ADHFE1: variants seen among roughly 807,000 people sequenced by gnomAD.
ADHFE1 encodes hydroxyacid-oxoacid transhydrogenase, mitochondrial.
ADHFE1 carries 37 observed loss-of-function variants against 54.8 expected under a neutral mutation model. That is an observed-to-expected ratio of 0.68 (90% CI 0.52 to 0.89). The LOEUF (loss-of-function observed/expected upper bound fraction) is 0.89. ADHFE1 is among the 40% of genes least tolerant of loss of function. ADHFE1 has a pLI of 0.00. For synonymous variants in ADHFE1, 203 were observed against 229.3 expected (o/e 0.89, Z 1.04); for missense variants, 601 against 591.2 (o/e 1.02, Z -0.17).
At chr8:66,461,308 G>A (rs887685562) in intron 13 of ADHFE1, among the ~76,000 whole-genome samples, 2 of 152,162 alleles carry the variant, frequency 1.3e-5, no homozygotes, top group Non-Finnish European at 2.9e-5. Flanking sequence ...GAGGGTATGA[G>A]GATAAGGATC....
chr8:66,466,366 C>G (rs1807187680), intron 13 of ADHFE1, among the ~76,000 whole-genome samples: 1 of 151,950 alleles, frequency 6.6e-6, no homozygotes, highest in Non-Finnish European at 1.5e-5. Flanking sequence ...GACCACCGCA[C>G]TGGACTCCCT....
At chr8:66,442,239 A>G (rs1805788608) in intron 2 of ADHFE1, among the ~76,000 whole-genome samples, 1 of 151,606 alleles carries the variant, frequency 6.6e-6, no homozygotes. Flanking sequence ...TCAAACACAT[A>G]TTTTAAATAT....
At chr8:66,452,682 G>T (rs1357494865) in intron 9 of ADHFE1, among the ~76,000 whole-genome samples, 5 of 152,162 alleles carry the variant, frequency 3.3e-5, no homozygotes, top group African/African-American at 9.7e-5. Context: ...AAAGAGTAGA[G>T]ATTGCTGTCC....
chr8:66,462,224 G>C lies in ADHFE1; in HGVS notation c.1320+1759G>C, dbSNP rs909053990. Among the ~76,000 whole-genome samples, 12 of 152,238 alleles carry C rather than the reference G, an allele frequency of 7.9e-5. No homozygotes were observed. In the East Asian group the frequency reaches 2.3e-3, roughly 29 times the overall value. ...CTGACTAGGACTCAACCAAAGACAGGGGAGCCATGAAAGCTCAGGGACACC... is the reference window on the plus strand; with the variant it reads ...CTGACTAGGACTCAACCAAAGACAGCGGAGCCATGAAAGCTCAGGGACACC... On this transcript the variant is annotated intron_variant, in intron 13 of 13. Transcript: ENST00000396623.
At chr8:66,454,858 T>G (rs1357718894) in intron 10 of ADHFE1, among the ~76,000 whole-genome samples, 1 of 152,058 alleles carries the variant, frequency 6.6e-6, no homozygotes, top group East Asian at 1.9e-4. Flanking sequence ...GGATTACAGA[T>G]GTGCACCACC....
chr8:66,455,610 G>A (rs767907580), intron 10 of ADHFE1, among the ~76,000 whole-genome samples: 33 of 152,178 alleles, frequency 2.2e-4, no homozygotes, highest in Non-Finnish European at 4.1e-4. Flanking sequence ...TCTCTTCTAG[G>A]AATCTAGCCT....
At chr8:66,449,592 A>G (rs2130414310) in intron 8 of ADHFE1, among the ~76,000 whole-genome samples, 1 of 152,312 alleles carries the variant, frequency 6.6e-6, no homozygotes, top group Admixed American at 6.5e-5. Context: ...CCTCGGCTTC[A>G]GCTGCTTTGT....
chr8:66,441,358 G>A (rs543358071), intron 2 of ADHFE1, among the ~76,000 whole-genome samples: 77 of 152,202 alleles, frequency 5.1e-4, no homozygotes, highest in African/African-American at 1.7e-3. Context: ...AGCCTCCCAC[G>A]ATGTTGGGAT....
At chr8:66,458,848 G>A (rs1337594367) in intron 12 of ADHFE1, among the ~76,000 whole-genome samples, 1 of 152,122 alleles carries the variant, frequency 6.6e-6, no homozygotes, top group Admixed American at 6.6e-5. Flanking sequence ...AAAATGCAGA[G>A]ATTTCGATGG....
intron 12 of ADHFE1, among the ~76,000 whole-genome samples, chr8:66,458,459 C>G (rs576020359): frequency 6.6e-6 from 1 of 152,320 alleles, no homozygotes; most frequent in South Asian, 2.1e-4. Flanking sequence ...TCCCTTTTCT[C>G]TTTCGGACTG....
At chr8:66,448,588 A>G (rs1379507647) in intron 7 of ADHFE1, among the ~76,000 whole-genome samples, 1 of 152,038 alleles carries the variant, frequency 6.6e-6, no homozygotes, top group Admixed American at 6.6e-5. Context: ...TGGTGTAAAT[A>G]CTCTCACCAT....
At chr8:66,457,244 T>G in intron 12 of ADHFE1, 78 bp downstream of exon 12, 1 of 1,376,208 alleles carries the variant, frequency 7.3e-7, no homozygotes, top group Non-Finnish European at 1.0e-6. Context: ...TTTGGGAGGC[T>G]AAGTTGGGTG....
intron 9 of ADHFE1, among the ~76,000 whole-genome samples, chr8:66,453,236 G>A (rs1463161047): frequency 6.6e-6 from 1 of 152,164 alleles, no homozygotes; most frequent in East Asian, 1.9e-4. Flanking sequence ...GTCACTGGGG[G>A]AATAAGGAAC....
chr8:66,448,248 T>G (rs1806129959), intron 7 of ADHFE1, among the ~76,000 whole-genome samples: 1 of 152,250 alleles, frequency 6.6e-6, no homozygotes, highest in Non-Finnish European at 1.5e-5. Flanking sequence ...ACACTTTTAG[T>G]AACTTTTCTT....
Position 66,439,748 on chromosome 8 carries a change from C to G in ADHFE1, c.60-414C>G. ...GGAAATATATAAGGCAAGTTCCCAG[C>G]ATAGGGTAGTAAGTAAGAAGAGGCA... On this transcript the variant is annotated intron_variant, in intron 1 of 13. Coordinates refer to ENST00000396623, the MANE Select transcript of ADHFE1 (RefSeq NM_144650.3). This position sits in a 1 kb window ranked among gnomAD's most constrained non-coding sequence, Gnocchi z 4.4. The G allele has an allele frequency of 2.0e-6, 2 of 1,010,168 alleles. No individual in the cohort carries two copies. Among genetic ancestry groups the G allele is most frequent in the Non-Finnish European group, 2.4e-6 (2 of 846,136 alleles). The allele number at this position is 1,010,168 out of a possible 1,614,324, so 62.6% of individuals were successfully genotyped here. A position where few individuals can be genotyped will look rare whatever the true frequency, so the allele number is the denominator to read the frequency against.
Position 66,447,279 on chromosome 8 carries a change from G to A in ADHFE1, c.566G>A (p.Gly189Glu). 6.2e-7 allele frequency: 1 copy of A among 1,613,140 alleles called. No homozygotes were observed. Among genetic ancestry groups the A allele is most frequent in the Non-Finnish European group, 8.5e-7 (1 of 1,179,450 alleles). The change falls in exon 7 of 14, where the codon GGA becomes GAA. Residue 189 changes from glycine to glutamate, a missense_variant. Transcript: ENST00000396623. The stretch of plus-strand genomic sequence containing the variant: ...TTTGTTCAAGTGCCAACTACCTCAG[G>A]AACCGGGAGTGAAACTACTGGGGTT... ...KPLIAVPTTS[G>E]TGSETTGVAI...
intron 9 of ADHFE1, among the ~76,000 whole-genome samples, chr8:66,453,188 G>A (rs1806392060): frequency 6.6e-6 from 1 of 152,192 alleles, no homozygotes. Flanking sequence ...GATGGACAGA[G>A]GAAAGGCTGA....
At position 66,460,315 on chromosome 8, in the gene ADHFE1, C is replaced by T; in HGVS notation, c.1170C>T (p.Asp390=). 1.2e-6 allele frequency: 2 copies of T among 1,614,112 alleles called. No individual in the cohort carries two copies. Among genetic ancestry groups the T allele is most frequent in the Non-Finnish European group, 1.7e-6 (2 of 1,180,020 alleles). Residue 390 remains aspartate, a synonymous_variant, in exon 13 of 14, where the codon GAC becomes GAT. Transcript: ENST00000396623. ...HLEMAEILGA[D]TRTARIQDAG... is the part of the protein sequence containing the mutation. ...GCACTTTATGTCTTCTAGGAGCCGA[C>T]ACCCGCACTGCCAGGATCCAAGATG...
intron 12 of ADHFE1, 55 bp from the exon 13 acceptor site, chr8:66,460,253 C>T (rs921123669): frequency 6.2e-7 from 1 of 1,603,592 alleles, no homozygotes; most frequent in African/African-American, 1.3e-5. Flanking sequence ...GACTGAACTC[C>T]ACCCAGAGCC....
Sources: gnomAD v4.1 joint callset for allele counts (sites outside exome capture counted in the v4.1 genomes callset) on GRCh38, gnomAD v4.1.1 for gene constraint, Gnocchi (gnomAD v3.1) non-coding constraint, MANE v1.5 for transcripts, NCBI Gene and HGNC (gene_info 2026-07-23, HGNC 2026-07-21) for gene names.